The following NLGN1 variants were observed in gnomAD, a reference collection of about 807,000 sequenced individuals.
NLGN1 encodes the protein neuroligin 1.
Under a neutral mutation model 65.5 loss-of-function variants are expected in NLGN1, and 12 were observed. That is an observed-to-expected ratio of 0.18 (90% CI 0.12 to 0.30). The LOEUF (loss-of-function observed/expected upper bound fraction) is 0.30, where lower values mean the gene tolerates loss of function less well. Ranked by LOEUF, NLGN1 falls within the 10% of genes least tolerant of loss-of-function variation. NLGN1 has a pLI of 1.00. For synonymous variants in NLGN1, 350 were observed against 359.5 expected (o/e 0.97, Z 0.30); for missense variants, 750 against 1,007.1 (o/e 0.74, Z 3.46).
chr3:173,816,180 A>G (rs1427008861), intron 4 of NLGN1, among the ~76,000 whole-genome samples: 1 of 151,804 alleles, frequency 6.6e-6, no homozygotes, highest in Non-Finnish European at 1.5e-5. Context: ...GAAGTCAATA[A>G]TAACCTAATA....
At chr3:173,693,767 T>G (rs1765803103) in intron 3 of NLGN1, among the ~76,000 whole-genome samples, 1 of 152,052 alleles carries the variant, frequency 6.6e-6, no homozygotes, top group Non-Finnish European at 1.5e-5. Context: ...GAAGGTTAAT[T>G]TTCTTTAAAA....
rs559447601 is a variant in NLGN1, at chr3:173,886,829, C to T, written c.646+78997C>T. 1.1e-3 allele frequency among the ~76,000 whole-genome samples: 173 copies of T among 152,002 alleles called. 1 individual carries two copies. The highest frequency in any genetic ancestry group is 3.8e-3 in the African/African-American group (157 of 41,514). The stretch of plus-strand genomic sequence containing the variant: ...GACTGCTGAAACCAATAAAAATAAC[C>T]GTCAACCCACCACTTGTCTTTGTAA... On this transcript the variant is annotated intron_variant, in intron 4 of 6. Coordinates refer to ENST00000457714, the Ensembl canonical transcript of NLGN1.
At chr3:173,668,602 C>G (rs907771677) in intron 3 of NLGN1, among the ~76,000 whole-genome samples, 1 of 145,884 alleles carries the variant, frequency 6.9e-6, no homozygotes, top group Non-Finnish European at 1.5e-5. Context: ...GTCTTAGTTT[C>G]TTTTTACTTT....
chr3:174,146,426 A>C (rs1723287810), intron 4 of NLGN1, among the ~76,000 whole-genome samples: 1 of 152,218 alleles, frequency 6.6e-6, no homozygotes, highest in African/African-American at 2.4e-5. Flanking sequence ...TATAATCAGC[A>C]CAATTTATAA....
At chr3:174,073,001 G>C (rs922984081) in intron 4 of NLGN1, among the ~76,000 whole-genome samples, 1 of 152,148 alleles carries the variant, frequency 6.6e-6, no homozygotes, top group Non-Finnish European at 1.5e-5. Context: ...ATGCCCTCTT[G>C]AGTGGAATTT....
intron 3 of NLGN1, among the ~76,000 whole-genome samples, chr3:173,773,807 A>G (rs1011604299): frequency 3.3e-5 from 5 of 152,220 alleles, no homozygotes; most frequent in South Asian, 4.1e-4. Context: ...AATAAATGCT[A>G]TGAAGTAAAC....
At chr3:173,911,226 T>C (rs1739522904) in intron 4 of NLGN1, among the ~76,000 whole-genome samples, 1 of 152,220 alleles carries the variant, frequency 6.6e-6, no homozygotes, top group South Asian at 2.1e-4. Context: ...CAGTGCTTTT[T>C]ATAGCTAATA....
At chr3:173,701,480 T>C (rs980464138) in intron 3 of NLGN1, among the ~76,000 whole-genome samples, 1 of 152,160 alleles carries the variant, frequency 6.6e-6, no homozygotes, top group African/African-American at 2.4e-5. Flanking sequence ...CTCATTCTTA[T>C]AGAGCCTCCA....
intron 3 of NLGN1, among the ~76,000 whole-genome samples, chr3:173,756,802 A>G (rs980979283): frequency 6.6e-6 from 1 of 151,592 alleles, no homozygotes; most frequent in Non-Finnish European, 1.5e-5. Context: ...AGAAATCTAT[A>G]TAAAACAAAA....
At chr3:173,993,396 A>G (rs757755968) in intron 4 of NLGN1, among the ~76,000 whole-genome samples, 34 of 152,198 alleles carry the variant, frequency 2.2e-4, no homozygotes, top group Non-Finnish European at 4.6e-4. Flanking sequence ...TTGTAGCACA[A>G]TGTCAGATTG....
At chr3:173,656,777 A>G (rs1203610193) in intron 3 of NLGN1, among the ~76,000 whole-genome samples, 2 of 152,060 alleles carry the variant, frequency 1.3e-5, no homozygotes, top group Non-Finnish European at 2.9e-5. Context: ...TTCTCAAAGG[A>G]TTGTTATGAA....
At chr3:174,047,640 A>C (rs1182022215) in intron 4 of NLGN1, among the ~76,000 whole-genome samples, 2 of 152,016 alleles carry the variant, frequency 1.3e-5, no homozygotes, top group Non-Finnish European at 2.9e-5. Context: ...CACATCCTAC[A>C]TACAGATACA....
At position 173,851,650 on chromosome 3, in the gene NLGN1, A is replaced by G. The variant is rs560982936; in HGVS notation, c.646+43818A>G. 1.0e-3 allele frequency among the ~76,000 whole-genome samples: 154 copies of G among 152,262 alleles called. 1 individual carries two copies. Among genetic ancestry groups the G allele is most frequent in the South Asian group, 5.2e-3 (25 of 4,818 alleles). On this transcript the variant is annotated intron_variant, in intron 4 of 6. Transcript: ENST00000457714. ...GACCAGACCCCGGTTTCTTTTGATA[A>G]TATTATCCCCTTGACCTTCTTGGGT...
intron 4 of NLGN1, among the ~76,000 whole-genome samples, chr3:174,113,043 A>T (rs575925073): frequency 6.6e-6 from 1 of 152,032 alleles, no homozygotes; most frequent in South Asian, 2.1e-4. Context: ...CATTTTCAAG[A>T]AATATTGTTA....
chr3:173,426,898 T>A (rs886609040), intron 1 of NLGN1, among the ~76,000 whole-genome samples: 1 of 152,084 alleles, frequency 6.6e-6, no homozygotes, highest in Admixed American at 6.6e-5. Flanking sequence ...TTGAGGAAAA[T>A]CAGTATTATA....
intron 3 of NLGN1, among the ~76,000 whole-genome samples, chr3:173,666,334 C>G (rs1014460837): frequency 6.6e-6 from 1 of 151,998 alleles, no homozygotes; most frequent in African/African-American, 2.4e-5. Context: ...AGGATACAAT[C>G]GATGTAATTC....
chr3:174,244,948 T>C (rs1037999273), intron 4 of NLGN1, among the ~76,000 whole-genome samples: 15 of 152,198 alleles, frequency 9.9e-5, no homozygotes, highest in African/African-American at 3.6e-4. Context: ...CTCAATTAAC[T>C]TGGGTGGAAT....
chr3:173,506,747 A>C (rs926183057), intron 2 of NLGN1, among the ~76,000 whole-genome samples: 9 of 152,136 alleles, frequency 5.9e-5, no homozygotes, highest in Admixed American at 5.9e-4. Context: ...ACATTCTGGG[A>C]CAATGACTTG....
intron 3 of NLGN1, among the ~76,000 whole-genome samples, chr3:173,671,883 A>G (rs1021666669): frequency 7.9e-5 from 12 of 152,212 alleles, no homozygotes; most frequent in African/African-American, 2.9e-4. Flanking sequence ...CAAATAAGAA[A>G]GGAATAGTTG....
Sources: allele counts gnomAD v4.1 joint callset (sites outside exome capture counted in the v4.1 genomes callset), GRCh38; gene constraint gnomAD v4.1.1; transcripts MANE v1.5; gene names NCBI Gene and HGNC (gene_info 2026-07-23, HGNC 2026-07-21).